CPA6: variants seen among roughly 807,000 people sequenced by gnomAD.
The protein encoded by CPA6 is carboxypeptidase B.
CPA6 carries 58 observed loss-of-function variants against 63.3 expected under a neutral mutation model. The ratio of observed to expected loss-of-function variants is 0.92; its 90% CI spans 0.74 to 1.14. The LOEUF (loss-of-function observed/expected upper bound fraction) is 1.14, where lower values mean the gene tolerates loss of function less well. Among genes scored for constraint, CPA6 ranks in the 50% most tolerant of loss-of-function variants. The probability of loss-of-function intolerance (pLI) is 0.00; values close to 1 mark genes in which losing one functional copy is unlikely to be tolerated. For synonymous variants in CPA6, 185 were observed against 179.0 expected, an observed-to-expected ratio of 1.03 and a Z score of -0.27; for missense variants, 565 against 526.6, an observed-to-expected ratio of 1.07 and a Z score of -0.71.
intron 2 of CPA6, among the ~76,000 whole-genome samples, chr8:67,573,071 A>G (rs1813526815): frequency 6.6e-6 from 1 of 152,250 alleles, no homozygotes; most frequent in Non-Finnish European, 1.5e-5. Flanking sequence ...AAAATTCAAC[A>G]TCTTTTCATG....
rs12549260 is a variant in CPA6 at position 67,454,183 on chromosome 8, G to A, written c.839-19943C>T. On this transcript the variant is annotated intron_variant, in intron 8 of 10. Transcript: ENST00000297770. ...TCCTGAATGGCTGTGTCTCTAACAT[G>A]GAAATAAATTAATTTGGGTGGAAAG... Among the ~76,000 whole-genome samples the A allele has an allele frequency of 6.8e-3, 1,041 of 152,242 alleles. 34 individuals are homozygous for A. In the East Asian group the frequency reaches 0.074, roughly 11 times the overall value.
At chr8:67,710,085 C>G (rs2553654) in intron 1 of CPA6, among the ~76,000 whole-genome samples, 42,304 of 151,578 alleles carry the variant, frequency 0.28, 6,212 homozygotes, top group African/African-American at 0.34. Flanking sequence ...TGCACTCTAG[C>G]CTGGGCAACA....
chr8:67,644,848 G>C lies in CPA6; in HGVS notation c.117-20597C>G, dbSNP rs535844471. On this transcript the variant is annotated intron_variant, in intron 1 of 10. Coordinates refer to ENST00000297770, the MANE Select transcript of CPA6 (RefSeq NM_020361.5). ...CCCTTGGGGTATGTGGAGACTTTCC[G>C]AGGGGAATAAGGAAACTGATCTTTT... Among the ~76,000 whole-genome samples, 5 of 152,212 alleles carry C rather than the reference G, an allele frequency of 3.3e-5. No homozygotes were observed. In the East Asian group the frequency reaches 9.7e-4, roughly 29 times the overall value.
chr8:67,427,491 C>T (rs893396216), intron 10 of CPA6, among the ~76,000 whole-genome samples: 1 of 152,092 alleles, frequency 6.6e-6, no homozygotes, highest in African/African-American at 2.4e-5. Context: ...AGCTGAAGAA[C>T]CTACGTGGAG....
intron 2 of CPA6, among the ~76,000 whole-genome samples, chr8:67,618,980 T>C (rs1012256780): frequency 3.9e-5 from 6 of 152,200 alleles, no homozygotes; most frequent in Non-Finnish European, 5.9e-5. Flanking sequence ...TTAACTTTCT[T>C]GTTTTAATTC....
At chr8:67,516,020 T>C (rs1381282416) in intron 3 of CPA6, among the ~76,000 whole-genome samples, 8 of 152,306 alleles carry the variant, frequency 5.3e-5, no homozygotes, top group African/African-American at 1.4e-4. Flanking sequence ...GACCCAGGGA[T>C]GAATACTTGA....
chr8:67,486,501 G>T (rs546754317), intron 6 of CPA6, among the ~76,000 whole-genome samples: 1 of 152,324 alleles, frequency 6.6e-6, no homozygotes, highest in East Asian at 1.9e-4. Context: ...ACACAATGAT[G>T]AAATCGCTTA....
chr8:67,430,246 C>T (rs1371720944), intron 9 of CPA6, among the ~76,000 whole-genome samples: 1 of 147,072 alleles, frequency 6.8e-6, no homozygotes, highest in Non-Finnish European at 1.5e-5. Context: ...ATGGCGTGAT[C>T]TCGGCTTACT....
chr8:67,722,554 T>C (rs1300297837), intron 1 of CPA6, among the ~76,000 whole-genome samples: 1 of 152,174 alleles, frequency 6.6e-6, no homozygotes, highest in Non-Finnish European at 1.5e-5. Flanking sequence ...ACCGAACTTC[T>C]CTCAAATGAA....
At chr8:67,460,612 G>T (rs1810778736) in intron 8 of CPA6, among the ~76,000 whole-genome samples, 1 of 152,150 alleles carries the variant, frequency 6.6e-6, no homozygotes, top group African/African-American at 2.4e-5. Flanking sequence ...TTGCTGGAAG[G>T]CCATAGTGGA....
chr8:67,518,105 T>C (rs918858987), intron 2 of CPA6, 58 bp from the exon 3 acceptor site: 1 of 1,463,230 alleles, frequency 6.8e-7, no homozygotes, highest in Non-Finnish European at 9.1e-7. Context: ...AAAATCTGTG[T>C]CACAATGTCA....
At chr8:67,594,231 T>C (rs1414621884) in intron 2 of CPA6, among the ~76,000 whole-genome samples, 1 of 152,218 alleles carries the variant, frequency 6.6e-6, no homozygotes, top group Non-Finnish European at 1.5e-5. Flanking sequence ...TTCTGGCTTG[T>C]AGAGTTTCTG....
intron 6 of CPA6, among the ~76,000 whole-genome samples, chr8:67,485,253 A>T (rs754053582): frequency 6.6e-6 from 1 of 151,974 alleles, no homozygotes; most frequent in Non-Finnish European, 1.5e-5. Context: ...CTGCATTGAG[A>T]CTCTATTCTT....
intron 1 of CPA6, among the ~76,000 whole-genome samples, chr8:67,703,195 C>A (rs1471777325): frequency 1.3e-5 from 2 of 152,164 alleles, no homozygotes; most frequent in African/African-American, 4.8e-5. Context: ...TTGACTTTCA[C>A]TTTCCTGCTT....
At position 67,530,465 on chromosome 8, in the gene CPA6, C is replaced by T. The variant is rs138568227; in HGVS notation, c.193-12418G>A. ...AACGACAAACTAGTCCTGGGACTTACGTTTCTAGTAATACAGAGAACTAGA... is the reference window on the plus strand; with the variant it reads ...AACGACAAACTAGTCCTGGGACTTATGTTTCTAGTAATACAGAGAACTAGA... On this transcript the variant is annotated intron_variant, in intron 2 of 10. Coordinates refer to ENST00000297770, the MANE Select transcript of CPA6 (RefSeq NM_020361.5). Among the ~76,000 whole-genome samples, 157 of 152,252 alleles carry T rather than the reference C, an allele frequency of 1.0e-3. 1 individual carries two copies. The highest frequency in any genetic ancestry group is 3.5e-3 in the African/African-American group (146 of 41,544).
At chr8:67,532,709 T>C (rs1311561355) in intron 2 of CPA6, among the ~76,000 whole-genome samples, 1 of 151,880 alleles carries the variant, frequency 6.6e-6, no homozygotes, top group Non-Finnish European at 1.5e-5. Context: ...ATGAAAGGAA[T>C]AATTTCCTAG....
intron 1 of CPA6, among the ~76,000 whole-genome samples, chr8:67,624,522 G>A (rs897777839): frequency 3.2e-4 from 49 of 152,366 alleles, no homozygotes; most frequent in African/African-American, 1.2e-3. Flanking sequence ...AACACAAAAA[G>A]AGTGGCAACG....
At chr8:67,452,228 C>A (rs1460935370) in intron 8 of CPA6, 6 of 152,196 alleles carry the variant, frequency 3.9e-5, no homozygotes, top group African/African-American at 1.2e-4. Flanking sequence ...ACAAAAAGGA[C>A]AGGCTGGGAT....
chr8:67,734,283 T>C (rs1266240617), intron 1 of CPA6, among the ~76,000 whole-genome samples: 1 of 151,034 alleles, frequency 6.6e-6, no homozygotes, highest in African/African-American at 2.4e-5. Flanking sequence ...CTTGAAGTAA[T>C]TGGAGAGTTT....
Sources: allele counts gnomAD v4.1 joint callset (sites outside exome capture counted in the v4.1 genomes callset), GRCh38; gene constraint gnomAD v4.1.1; transcripts MANE v1.5; gene names NCBI Gene and HGNC (gene_info 2026-07-23, HGNC 2026-07-21).